The following ADAM10 variants were observed in gnomAD, a reference collection of about 807,000 sequenced individuals.
The protein encoded by ADAM10 is ADAM metallopeptidase domain 10, also known as disintegrin and metalloproteinase domain-containing protein 10.
Under a neutral mutation model 90.1 loss-of-function variants are expected in ADAM10, and 17 were observed. The observed-to-expected ratio is 0.19, with a 90% confidence interval of 0.13 to 0.28. ADAM10 has a LOEUF of 0.28. Among genes scored for constraint, ADAM10 ranks in the 10% least tolerant of loss-of-function variants. The pLI is 1.00. For missense variants in ADAM10, 610 were observed against 914.3 expected, an observed-to-expected ratio of 0.67 and a Z score of 4.29; for synonymous variants, 310 against 298.6, an observed-to-expected ratio of 1.04 and a Z score of -0.40.
At chr15:58,675,769 T>C (rs1043142124) in intron 4 of ADAM10, among the ~76,000 whole-genome samples, 1 of 152,214 alleles carries the variant, frequency 6.6e-6, no homozygotes, top group Non-Finnish European at 1.5e-5. Flanking sequence ...AATAGCAGTA[T>C]CATTTTTCAT....
intron 11 of ADAM10, among the ~76,000 whole-genome samples, chr15:58,613,819 A>G (rs764186428): frequency 6.6e-6 from 1 of 152,216 alleles, no homozygotes; most frequent in Non-Finnish European, 1.5e-5. Context: ...TTTTCATATT[A>G]TAAGAGCTGC....
chr15:58,682,153 A>T, intron 3 of ADAM10, 43 bp downstream of exon 3: 1 of 1,603,870 alleles, frequency 6.2e-7, no homozygotes. Context: ...TTGTGTAGAA[A>T]AAAAAAAATG....
intron 1 of ADAM10, among the ~76,000 whole-genome samples, chr15:58,727,689 T>C (rs1231508509): frequency 1.3e-5 from 2 of 152,016 alleles, no homozygotes; most frequent in African/African-American, 4.8e-5. Flanking sequence ...AAAATAAAGA[T>C]GAGTTAAAGT....
chr15:58,749,488 C>G lies in ADAM10; in HGVS notation c.47G>C (p.Gly16Ala). 1 of 1,551,662 alleles carries G rather than the reference C, an allele frequency of 6.4e-7. No individual in the cohort carries two copies. Among genetic ancestry groups the G allele is most frequent in the African/African-American group, 1.4e-5 (1 of 72,734 alleles). ...VLILLLSWAAGMGGQYGNPLN... is the reference protein window; with the variant it reads ...VLILLLSWAAAMGGQYGNPLN... ...TCGCAGTCGTGCCTCACCTCCCATCCCCGCCGCCCAGGAGAGGAGCAGAAT... is the reference window on the plus strand; with the variant it reads ...TCGCAGTCGTGCCTCACCTCCCATCGCCGCCGCCCAGGAGAGGAGCAGAAT... The change falls in exon 1 of 16, where the codon GGG becomes GCG. Residue 16 changes from glycine to alanine, a missense_variant. Physicochemically the swap from Gly to Ala is moderately conservative, Grantham distance 60. Around this residue, in one of 4 missense-constraint regions of ADAM10, gnomAD observed 310 missense variants for 362.4 expected, o/e 0.86. Coordinates refer to ENST00000260408, the MANE Select transcript of ADAM10 (RefSeq NM_001110.4).
intron 1 of ADAM10, among the ~76,000 whole-genome samples, chr15:58,724,312 C>G: frequency 6.6e-6 from 1 of 152,064 alleles, no homozygotes; most frequent in Middle Eastern, 3.2e-3. Flanking sequence ...CCATAACTCA[C>G]ACTAGACAGA....
intron 1 of ADAM10, among the ~76,000 whole-genome samples, chr15:58,727,378 A>G (rs1899074059): frequency 6.6e-6 from 1 of 151,914 alleles, no homozygotes; most frequent in Non-Finnish European, 1.5e-5. Context: ...TTTAGCAGAG[A>G]CAGGGTTTTG....
chr15:58,634,523 A>G (rs940245103), intron 8 of ADAM10, among the ~76,000 whole-genome samples: 15 of 152,346 alleles, frequency 9.8e-5, no homozygotes, highest in African/African-American at 3.6e-4. Flanking sequence ...ACAGCAAATG[A>G]CAGTGCTTTC....
At chr15:58,713,235 G>A (rs1898534439) in intron 2 of ADAM10, among the ~76,000 whole-genome samples, 1 of 152,176 alleles carries the variant, frequency 6.6e-6, no homozygotes, top group Middle Eastern at 3.4e-3. Context: ...CCAAGTAGCT[G>A]GGACTATAGG....
chr15:58,670,799 C>CA (rs1389592004), intron 4 of ADAM10, among the ~76,000 whole-genome samples: 3 of 151,994 alleles, frequency 2.0e-5, no homozygotes, highest in Non-Finnish European at 4.4e-5. Flanking sequence ...CCAATCAGCA[C>CA]AAAAATATTT....
intron 2 of ADAM10, among the ~76,000 whole-genome samples, chr15:58,700,203 A>C (rs1486812165): frequency 6.6e-6 from 1 of 152,228 alleles, no homozygotes; most frequent in Non-Finnish European, 1.5e-5. Flanking sequence ...AAAATTAACA[A>C]AGAATCATTG....
At chr15:58,641,066 G>A (rs1896405773) in intron 7 of ADAM10, 106 bp from the exon 8 acceptor site, 5 of 1,108,626 alleles carry the variant, frequency 4.5e-6, no homozygotes, top group Non-Finnish European at 6.7e-6. Context: ...TGCTCCCATG[G>A]AAATCAGGCC....
rs1238812016 is a variant in ADAM10 at position 58,679,364 on chromosome 15, G to GTA, written c.326-84_326-83dup. ...CATTCATATATATGTATATATGTGTGTATATATATACACACATGCATACAT... is the reference window on the plus strand; with the variant it reads ...CATTCATATATATGTATATATGTGTGTATATATATATACACACATGCATACAT... On this transcript the variant is annotated intron_variant, in intron 3 of 15. Transcript: ENST00000260408. The GTA allele has an allele frequency of 6.2e-5, 75 of 1,200,686 alleles. No homozygotes were observed. The East Asian group carries it at 1.1e-3, about 17-fold the overall frequency. 74.4% of individuals were successfully genotyped at this position (1,200,686 alleles called of 1,614,324 possible).
intron 5 of ADAM10, among the ~76,000 whole-genome samples, chr15:58,653,430 AT>A (rs1415805082): frequency 6.6e-6 from 1 of 152,152 alleles, no homozygotes; most frequent in African/African-American, 2.4e-5. Flanking sequence ...TCAGGAAAGG[AT>A]TTTGAATTTT....
At chr15:58,614,211 GA>G (rs1435732391) in intron 11 of ADAM10, among the ~76,000 whole-genome samples, 1 of 152,002 alleles carries the variant, frequency 6.6e-6, no homozygotes, top group Non-Finnish European at 1.5e-5. Flanking sequence ...CTTGAACTTG[GA>G]AGGCAGAGGT....
At chr15:58,646,605 A>G (rs1175370467) in intron 5 of ADAM10, among the ~76,000 whole-genome samples, 1 of 152,182 alleles carries the variant, frequency 6.6e-6, no homozygotes, top group Non-Finnish European at 1.5e-5. Flanking sequence ...ACTCTAGCCC[A>G]AGCTACCATT....
intron 2 of ADAM10, among the ~76,000 whole-genome samples, chr15:58,706,923 C>G (rs1595640012): frequency 6.7e-6 from 1 of 149,416 alleles, no homozygotes. Context: ...GCAGGAGAAT[C>G]GCTTGAACCC....
In ADAM10 at chr15:58,610,900, T is replaced by C. The variant is rs1367988391; in HGVS notation, c.1804+99A>G. Reference sequence around the variant, plus strand: ...CAAGAGGACAGATTTAGCTGGAAATTATCTGGCCAAACTGTAGGTCAAAGT... The same window carrying C: ...CAAGAGGACAGATTTAGCTGGAAATCATCTGGCCAAACTGTAGGTCAAAGT... On this transcript the variant is annotated intron_variant, in intron 13 of 15. Coordinates refer to ENST00000260408, the MANE Select transcript of ADAM10 (RefSeq NM_001110.4). 4.4e-6 allele frequency: 4 copies of C among 908,588 alleles called. No homozygotes were observed. In the African/African-American group the frequency reaches 6.5e-5, roughly 15 times the overall value. The allele number at this position is 908,588 out of a possible 1,614,324, so 56.3% of individuals were successfully genotyped here. A position where few individuals can be genotyped will look rare whatever the true frequency, so the allele number is the denominator to read the frequency against.
At chr15:58,640,656 A>G (rs565731418) in intron 8 of ADAM10, 121 bp downstream of exon 8, 2 of 940,820 alleles carry the variant, frequency 2.1e-6, no homozygotes, top group African/African-American at 3.3e-5. Flanking sequence ...TAACTCAAGT[A>G]GCATAAATTA....
chr15:58,676,991 G>A (rs542093912), intron 4 of ADAM10, among the ~76,000 whole-genome samples: 3 of 152,238 alleles, frequency 2.0e-5, no homozygotes, highest in Non-Finnish European at 2.9e-5. Context: ...GAGAATTTGC[G>A]AACCACGGTC....
Sources: allele counts gnomAD v4.1 joint callset (sites outside exome capture counted in the v4.1 genomes callset), GRCh38; gene constraint gnomAD v4.1.1; regional missense constraint gnomAD v4.1.1; transcripts MANE v1.5; gene names NCBI Gene and HGNC (gene_info 2026-07-23, HGNC 2026-07-21).